The following PRELID2 variants were observed in gnomAD, a reference collection of about 807,000 sequenced individuals.
The protein encoded by PRELID2 is PRELI domain-containing protein 2.
In PRELID2, 25 loss-of-function variants were observed where a neutral mutation model predicts 28.4. That is an observed-to-expected ratio of 0.88 (90% CI 0.64 to 1.23). The LOEUF (loss-of-function observed/expected upper bound fraction) is 1.23, where lower values mean the gene tolerates loss of function less well. Among genes scored for constraint, PRELID2 ranks in the 50% most tolerant of loss-of-function variants. The pLI is 0.00. For synonymous variants in PRELID2, 76 were observed against 71.6 expected (o/e 1.06, Z -0.31); for missense variants, 201 against 214.4 (o/e 0.94, Z 0.39).
chr5:145,457,938 G>A, the PRELID2 span, among the ~76,000 whole-genome samples: 1 of 152,114 alleles, frequency 6.6e-6, no homozygotes, highest in South Asian at 2.1e-4. Flanking sequence ...AATTGTATAT[G>A]GAATTGTGTG....
At chr5:145,662,094 T>G (rs1346016646) in intron 1 of PRELID2, among the ~76,000 whole-genome samples, 1 of 151,964 alleles carries the variant, frequency 6.6e-6, no homozygotes, top group African/African-American at 2.4e-5. Context: ...CAGGCACTTG[T>G]CTAGATCAAT....
intron 1 of PRELID2, among the ~76,000 whole-genome samples, chr5:145,731,210 T>A (rs1363500565): frequency 6.6e-6 from 1 of 152,234 alleles, no homozygotes; most frequent in Non-Finnish European, 1.5e-5. Context: ...CTGCTGGGAT[T>A]CCCAGAGTTC....
chr5:145,774,378 T>C (rs1758282910), intron 5 of PRELID2, among the ~76,000 whole-genome samples: 1 of 152,238 alleles, frequency 6.6e-6, no homozygotes, highest in Admixed American at 6.5e-5. Context: ...TGAAAATGTG[T>C]AGAGGGAAGA....
chr5:145,292,133 A>C, the PRELID2 span, among the ~76,000 whole-genome samples: 1 of 152,214 alleles, frequency 6.6e-6, no homozygotes, highest in East Asian at 1.9e-4. Context: ...TAAATTTCTT[A>C]CATCAACTAA....
At chr5:145,716,660 T>A (rs188527793) in intron 1 of PRELID2, among the ~76,000 whole-genome samples, 1 of 152,292 alleles carries the variant, frequency 6.6e-6, no homozygotes, top group African/African-American at 2.4e-5. Flanking sequence ...GCAACCAAAG[T>A]ATATACGCTA....
chr5:145,467,159 C>T (rs1177026633), downstream of PRELID2, among the ~76,000 whole-genome samples: 1 of 152,108 alleles, frequency 6.6e-6, no homozygotes, highest in Non-Finnish European at 1.5e-5. Context: ...GTCCACTATC[C>T]CAGTGGTTAT....
chr5:145,464,949 T>C, the PRELID2 span, among the ~76,000 whole-genome samples: 2 of 152,080 alleles, frequency 1.3e-5, no homozygotes, highest in Admixed American at 6.6e-5. Context: ...GTAAAGTCCC[T>C]CAAAAATGTA....
At chr5:145,323,617 A>ACCTT in the PRELID2 span, among the ~76,000 whole-genome samples, 3 of 152,084 alleles carry the variant, frequency 2.0e-5, no homozygotes, top group Non-Finnish European at 2.9e-5. Context: ...TCCTCCTTGC[A>ACCTT]CCTTCCATGT....
chr5:145,645,622 A>G (rs1754184817), intron 1 of PRELID2, among the ~76,000 whole-genome samples: 1 of 152,028 alleles, frequency 6.6e-6, no homozygotes, highest in African/African-American at 2.4e-5. Context: ...CAGTTTCTTC[A>G]TAGTGTCGAC....
At chr5:145,501,173 A>G (rs577559820) in intron 1 of PRELID2, among the ~76,000 whole-genome samples, 3 of 152,292 alleles carry the variant, frequency 2.0e-5, no homozygotes, top group African/African-American at 7.2e-5. Flanking sequence ...GACAAAAATC[A>G]ATGTTGTGTT....
chr5:145,458,335 T>C, the PRELID2 span, among the ~76,000 whole-genome samples: 109 of 152,354 alleles, frequency 7.2e-4, no homozygotes, highest in African/African-American at 2.6e-3. Context: ...GTAAAAACCA[T>C]CATTTCAATG....
chr5:145,504,712 A>T (rs1216925039), intron 1 of PRELID2, among the ~76,000 whole-genome samples: 6 of 152,110 alleles, frequency 3.9e-5, no homozygotes, highest in Non-Finnish European at 7.4e-5. Context: ...CCTTTTCAAA[A>T]TTCCATTTAG....
the PRELID2 span, chr5:145,338,127 C>A: frequency 6.6e-6 from 1 of 152,100 alleles, no homozygotes; most frequent in African/African-American, 2.4e-5. Context: ...AAAGCAGTGA[C>A]AAAAATGAAG....
chr5:145,244,201 C>A, the PRELID2 span, among the ~76,000 whole-genome samples: 1 of 152,020 alleles, frequency 6.6e-6, no homozygotes, highest in Non-Finnish European at 1.5e-5. Flanking sequence ...GTGATCCACC[C>A]ACCTTAGCCT....
the PRELID2 span, among the ~76,000 whole-genome samples, chr5:145,299,647 G>GTGTGTGTT: frequency 1.0e-5 from 1 of 97,834 alleles, no homozygotes; most frequent in African/African-American, 3.1e-5. Flanking sequence ...GTGTGTGCGT[G>GTGTGTGTT]TGTGTGTGTG....
intron 1 of PRELID2, among the ~76,000 whole-genome samples, chr5:145,558,124 C>T (rs939244387): frequency 5.3e-5 from 8 of 152,140 alleles, no homozygotes; most frequent in African/African-American, 1.9e-4. Flanking sequence ...AGATGTGTGG[C>T]TGTTACTTAA....
chr5:145,721,776 T>C (rs1204421684), intron 1 of PRELID2, among the ~76,000 whole-genome samples: 1 of 151,846 alleles, frequency 6.6e-6, no homozygotes, highest in African/African-American at 2.4e-5. Flanking sequence ...TAACAGGAAA[T>C]AGAATTAATA....
At chr5:145,766,502 C>A (rs949925657) in intron 5 of PRELID2, among the ~76,000 whole-genome samples, 8 of 152,136 alleles carry the variant, frequency 5.3e-5, no homozygotes, top group African/African-American at 1.7e-4. Context: ...ATATTTAACA[C>A]CAAAGTAGAC....
chr5:145,827,318 T>A (rs340044), intron 1 of PRELID2, among the ~76,000 whole-genome samples: 1 of 152,020 alleles, frequency 6.6e-6, no homozygotes. Context: ...GTTGATTTTA[T>A]ACCAAGACGA....
Sources: gnomAD v4.1 joint callset for allele counts (sites outside exome capture counted in the v4.1 genomes callset) on GRCh38, gnomAD v4.1.1 for gene constraint, MANE v1.5 for transcripts, NCBI Gene and HGNC (gene_info 2026-07-23, HGNC 2026-07-21) for gene names.